Variants in VPS13C observed in about 807,000 individuals in gnomAD.
VPS13C encodes vacuolar protein sorting 13 homolog C.
In VPS13C, 358 loss-of-function variants were observed where a neutral mutation model predicts 456.8. The ratio of observed to expected loss-of-function variants is 0.78; its 90% confidence interval spans 0.72 to 0.86. The LOEUF (loss-of-function observed/expected upper bound fraction) is 0.86, where lower values mean the gene tolerates loss of function less well. Ranked by LOEUF, VPS13C falls within the 40% of genes least tolerant of loss-of-function variation. The pLI, the probability that VPS13C is intolerant of heterozygous loss-of-function variation, is 0.00. For synonymous variants in VPS13C, 1,578 were observed against 1,486.7 expected, an observed-to-expected ratio of 1.06 and a Z score of -1.41; for missense variants, 4,818 against 4,385.4, an observed-to-expected ratio of 1.10 and a Z score of -2.79.
intron 27 of VPS13C, among the ~76,000 whole-genome samples, chr15:61,972,051 G>A (rs999515333): frequency 1.2e-4 from 18 of 152,062 alleles, no homozygotes; most frequent in African/African-American, 4.3e-4. Context: ...TCACCACCCA[G>A]AGATGAACAC....
At chr15:61,937,437 C>A (rs1415129968) in intron 47 of VPS13C, among the ~76,000 whole-genome samples, 1 of 152,138 alleles carries the variant, frequency 6.6e-6, no homozygotes, top group Non-Finnish European at 1.5e-5. Context: ...AGCTGTCTTG[C>A]TGCAAAGTTT....
chr15:61,936,525 G>C lies in VPS13C; in HGVS notation c.5755+72C>G, dbSNP rs1364642294. On this transcript the variant is annotated intron_variant, in intron 48 of 84. Coordinates refer to ENST00000644861, the MANE Select transcript of VPS13C (RefSeq NM_020821.3). ...CATACCACATTGTGCTGGACAGCTAGAAAAATACTAAATATAAATATGACA... is the reference window on the plus strand; with the variant it reads ...CATACCACATTGTGCTGGACAGCTACAAAAATACTAAATATAAATATGACA... 3.5e-6 allele frequency: 5 copies of C among 1,420,136 alleles called. No individual in the cohort carries two copies. In the African/African-American group the frequency reaches 5.7e-5, roughly 16 times the overall value. 88.0% of individuals were successfully genotyped at this position (1,420,136 alleles called of 1,614,324 possible).
intron 9 of VPS13C, among the ~76,000 whole-genome samples, chr15:62,018,897 G>C (rs1173514449): frequency 2.6e-5 from 4 of 152,084 alleles, no homozygotes. Flanking sequence ...GTAGAATTCG[G>C]CTGTGAATCC....
chr15:61,902,573 T>A (rs915401495), intron 66 of VPS13C, among the ~76,000 whole-genome samples: 2 of 149,234 alleles, frequency 1.3e-5, no homozygotes, highest in Admixed American at 1.3e-4. Context: ...ACACATGACA[T>A]TAATAGAATC....
At chr15:61,869,839 T>A (rs1420876044) in intron 79 of VPS13C, among the ~76,000 whole-genome samples, 2 of 152,178 alleles carry the variant, frequency 1.3e-5, no homozygotes, top group African/African-American at 4.8e-5. Flanking sequence ...CCAGACCTAC[T>A]GAATCAGAAA....
chr15:62,004,798 C>A (rs2046774135), intron 15 of VPS13C, among the ~76,000 whole-genome samples: 1 of 151,620 alleles, frequency 6.6e-6, no homozygotes, highest in African/African-American at 2.4e-5. Context: ...CATTCAGGAG[C>A]AGGTTGTTCA....
At chr15:61,887,614 A>G (rs1307753234) in intron 67 of VPS13C, among the ~76,000 whole-genome samples, 1 of 152,078 alleles carries the variant, frequency 6.6e-6, no homozygotes, top group African/African-American at 2.4e-5. Flanking sequence ...TTGCTTGAGC[A>G]TAGTTGGCAG....
rs117151501 is a variant in VPS13C at position 62,021,865 on chromosome 15, C to T, written c.625-1327G>A. 4.5e-3 allele frequency among the ~76,000 whole-genome samples: 685 copies of T among 151,980 alleles called. 5 individuals are homozygous for T. The highest frequency in any genetic ancestry group is 7.2e-3 in the Admixed American group (109 of 15,244). ...CATTTGTTTTATTAAAGACAACCCT[C>T]AGTTGCTAATGTACTATCTACAAAC... On this transcript the variant is annotated intron_variant, in intron 8 of 84. Transcript: ENST00000644861.
At position 62,020,519 on chromosome 15, in the gene VPS13C, G is replaced by T; in HGVS notation, c.644C>A (p.Pro215His). Residue 215 changes from proline (P) to histidine (H), a missense_variant, in exon 9 of 85, where the codon CCT becomes CAT. Pro to His is a moderately conservative substitution (Grantham distance 77). This residue lies in a region of VPS13C where 4,552 missense variants were observed against 4,130.6 expected (regional missense o/e 1.10). Coordinates refer to ENST00000644861, the MANE Select transcript of VPS13C (RefSeq NM_020821.3). ...TCCCAGTGTGACACCAAATGAAAGA[G>T]GCCGCTTTGGATCAGTGACCTACCA... is the stretch of plus-strand genomic sequence containing the variant. ...YEDDVTDPKR[P>H]LSFGVTLGEL... The T allele has an allele frequency of 6.2e-7, 1 of 1,611,546 alleles. No homozygotes were observed. The highest frequency in any genetic ancestry group is 8.5e-7 in the Non-Finnish European group (1 of 1,178,474).
rs1229031320 is a variant in VPS13C at position 62,023,437 on chromosome 15, C to G, written c.598G>C (p.Asp200His). The change falls in exon 8 of 85, where the codon GAT becomes CAT. Residue 200 changes from aspartate (D) to histidine (H), a missense_variant. Physicochemically the swap from Asp to His is moderately conservative, Grantham distance 81. Transcript: ENST00000644861. The part of the protein sequence containing the change: ...VIKNVQVKIT[D>H]IHIKYEDDVT... The stretch of plus-strand genomic sequence containing the variant: ...TCATCTTCATATTTAATGTGAATAT[C>G]TGTGATTTTTACTTGTACATTTTTT... 3 of 1,553,940 alleles carry G rather than the reference C, an allele frequency of 1.9e-6. No individual in the cohort carries two copies. Among genetic ancestry groups the G allele is most frequent in the Non-Finnish European group, 2.6e-6 (3 of 1,149,282 alleles).
At chr15:61,987,727 TA>T (rs1252915881) in intron 18 of VPS13C, among the ~76,000 whole-genome samples, 1 of 152,168 alleles carries the variant, frequency 6.6e-6, no homozygotes, top group East Asian at 1.9e-4. Flanking sequence ...TGGCTAAAAT[TA>T]AAAAGCCTGG....
At chr15:61,986,674 T>C (rs1413402354) in intron 18 of VPS13C, among the ~76,000 whole-genome samples, 5 of 152,116 alleles carry the variant, frequency 3.3e-5, no homozygotes, top group Admixed American at 1.3e-4. Flanking sequence ...AATACATATC[T>C]AGTCACATCA....
intron 1 of VPS13C, among the ~76,000 whole-genome samples, chr15:62,048,711 G>A (rs1250133442): frequency 1.2e-4 from 19 of 152,050 alleles, no homozygotes; most frequent in Admixed American, 9.2e-4. Context: ...CTAGTTTACA[G>A]TCCCACCAAC....
At chr15:61,928,307 T>C (rs948373268) in intron 51 of VPS13C, among the ~76,000 whole-genome samples, 2 of 152,080 alleles carry the variant, frequency 1.3e-5, no homozygotes, top group Admixed American at 6.5e-5. Flanking sequence ...AGGGGAAAAC[T>C]GGAAAGAATA....
intron 5 of VPS13C, among the ~76,000 whole-genome samples, chr15:62,029,979 CAG>C (rs1306567334): frequency 6.6e-6 from 1 of 152,016 alleles, no homozygotes; most frequent in African/African-American, 2.4e-5. Context: ...ACCCAGGAAA[CAG>C]GGAATTAAAC....
intron 54 of VPS13C, among the ~76,000 whole-genome samples, 174 bp downstream of exon 54, chr15:61,922,223 A>G (rs1021013121): frequency 1.3e-5 from 2 of 152,196 alleles, no homozygotes; most frequent in Admixed American, 6.5e-5. Flanking sequence ...TAGCAAATCA[A>G]TCTTTAAAAA....
chr15:62,045,661 T>C (rs2048375176), intron 1 of VPS13C, among the ~76,000 whole-genome samples: 1 of 152,096 alleles, frequency 6.6e-6, no homozygotes, highest in Non-Finnish European at 1.5e-5. Context: ...ATTATGTTAT[T>C]TTAGAATCAT....
chr15:61,978,177 G>A (rs2045767952), intron 23 of VPS13C, among the ~76,000 whole-genome samples: 1 of 151,878 alleles, frequency 6.6e-6, no homozygotes, highest in African/African-American at 2.4e-5. Context: ...ATACTTCTCA[G>A]ATATCTACAA....
At chr15:61,954,585 T>G in intron 37 of VPS13C, 31 bp from the exon 38 acceptor site, 1 of 1,559,254 alleles carries the variant, frequency 6.4e-7, no homozygotes, top group African/African-American at 1.4e-5. Flanking sequence ...TCATTACTTT[T>G]ATTCACAAAT....
Sources: gnomAD v4.1 joint callset for allele counts (sites outside exome capture counted in the v4.1 genomes callset) on GRCh38, gnomAD v4.1.1 for gene constraint, gnomAD v4.1.1 regional missense constraint, MANE v1.5 for transcripts, NCBI Gene and HGNC (gene_info 2026-07-23, HGNC 2026-07-21) for gene names.